The following BCKDHB variants were observed in gnomAD, a reference collection of about 807,000 sequenced individuals.
BCKDHB encodes 2-oxoisovalerate dehydrogenase subunit beta, mitochondrial.
BCKDHB carries 41 observed loss-of-function variants against 48.5 expected under a neutral mutation model. That is an observed-to-expected ratio of 0.85 (90% CI 0.66 to 1.10). The LOEUF (loss-of-function observed/expected upper bound fraction) is 1.10, where lower values mean the gene tolerates loss of function less well. Among genes scored for constraint, BCKDHB ranks in the 50% least tolerant of loss-of-function variants. The pLI, the probability that BCKDHB is intolerant of heterozygous loss-of-function variation, is 0.00. For missense variants in BCKDHB, 496 were observed against 494.2 expected (o/e 1.00, Z -0.03); for synonymous variants, 201 against 174.8 (o/e 1.15, Z -1.18).
chr6:80,239,985 A>G (rs1470991041), intron 8 of BCKDHB, among the ~76,000 whole-genome samples: 1 of 152,190 alleles, frequency 6.6e-6, no homozygotes, highest in East Asian at 1.9e-4. Context: ...TACCAGTACC[A>G]TGCTGTTTTG....
the BCKDHB span, among the ~76,000 whole-genome samples, chr6:80,416,343 G>GT: frequency 6.6e-5 from 10 of 150,954 alleles, no homozygotes; most frequent in South Asian, 4.2e-4. Flanking sequence ...TTTGCTCTTG[G>GT]TTTTTTAGTT....
At chr6:80,433,081 G>A in the BCKDHB span, among the ~76,000 whole-genome samples, 1 of 152,138 alleles carries the variant, frequency 6.6e-6, no homozygotes, top group Admixed American at 6.5e-5. Flanking sequence ...GAGCTCTCCT[G>A]TATGAGGTGT....
the BCKDHB span, among the ~76,000 whole-genome samples, chr6:80,445,042 CTG>C: frequency 6.6e-6 from 1 of 152,144 alleles, no homozygotes; most frequent in East Asian, 1.9e-4. Flanking sequence ...GTCTTCTAAA[CTG>C]TAAGGTACAT....
At chr6:80,185,724 G>C (rs1199556083) in intron 6 of BCKDHB, among the ~76,000 whole-genome samples, 1 of 152,176 alleles carries the variant, frequency 6.6e-6, no homozygotes, top group Non-Finnish European at 1.5e-5. Flanking sequence ...GGGCTGCTGG[G>C]CTCTGGGCTG....
At chr6:80,379,799 T>C in the BCKDHB span, among the ~76,000 whole-genome samples, 3 of 151,916 alleles carry the variant, frequency 2.0e-5, no homozygotes, top group Non-Finnish European at 4.4e-5. Context: ...TATACACCAA[T>C]AATGTTCAAA....
the BCKDHB span, among the ~76,000 whole-genome samples, chr6:80,357,898 TTTC>T: frequency 2.0e-5 from 3 of 152,210 alleles, no homozygotes; most frequent in Non-Finnish European, 4.4e-5. Flanking sequence ...TCCATGCTTT[TTTC>T]TTCTTGCACT....
At chr6:80,346,837 T>C (rs1342154726), downstream of BCKDHB, among the ~76,000 whole-genome samples, 1 of 152,050 alleles carries the variant, frequency 6.6e-6, no homozygotes. Context: ...CCTTTCTAAA[T>C]AACGAATCCT....
At chr6:80,454,335 G>A in the BCKDHB span, 3 of 152,252 alleles carry the variant, frequency 2.0e-5, no homozygotes, top group African/African-American at 7.2e-5. Context: ...TTCCACAAAG[G>A]GTGTTTCTGG....
chr6:80,349,905 A>G (rs1375950387), downstream of BCKDHB, among the ~76,000 whole-genome samples: 1 of 152,180 alleles, frequency 6.6e-6, no homozygotes, highest in Non-Finnish European at 1.5e-5. Context: ...TTGGTTATAT[A>G]CATAGTAGAA....
chr6:80,393,309 C>T, the BCKDHB span, among the ~76,000 whole-genome samples: 1 of 152,068 alleles, frequency 6.6e-6, no homozygotes, highest in South Asian at 2.1e-4. Context: ...TGTGTCCCTC[C>T]AAAATTCATA....
the BCKDHB span, among the ~76,000 whole-genome samples, chr6:80,417,021 TG>T: frequency 1.3e-3 from 192 of 152,288 alleles, 2 homozygotes; most frequent in African/African-American, 4.4e-3. Context: ...ACTTGCTTTA[TG>T]AATCTGGGTG....
chr6:80,146,077 A>G (rs1329921679), intron 3 of BCKDHB, among the ~76,000 whole-genome samples: 1 of 152,158 alleles, frequency 6.6e-6, no homozygotes, highest in Non-Finnish European at 1.5e-5. Flanking sequence ...ATATGCTGCA[A>G]TACTGACATG....
the BCKDHB span, among the ~76,000 whole-genome samples, chr6:80,422,011 A>G: frequency 1.3e-5 from 2 of 152,178 alleles, no homozygotes; most frequent in Non-Finnish European, 1.5e-5. Context: ...AGATCATGAG[A>G]AAAATGTCTC....
chr6:80,380,216 G>C, the BCKDHB span, among the ~76,000 whole-genome samples: 1 of 151,860 alleles, frequency 6.6e-6, no homozygotes, highest in Non-Finnish European at 1.5e-5. Flanking sequence ...TAAAAACTGC[G>C]TGGTACTGGC....
the BCKDHB span, among the ~76,000 whole-genome samples, chr6:80,383,688 T>C: frequency 6.6e-6 from 1 of 152,230 alleles, no homozygotes; most frequent in African/African-American, 2.4e-5. Flanking sequence ...TTTTAATCAG[T>C]AGTACATTCA....
chr6:80,132,620 C>T (rs1201834045), intron 3 of BCKDHB, among the ~76,000 whole-genome samples: 1 of 152,178 alleles, frequency 6.6e-6, no homozygotes, highest in Admixed American at 6.6e-5. Context: ...CCTGTCATGG[C>T]AGGAGGCTGA....
At position 80,292,070 on chromosome 6, in the gene BCKDHB, G is replaced by A. The variant is rs142540526; in HGVS notation, c.1038+18849G>A. On this transcript the variant is annotated intron_variant, in intron 9 of 9. Coordinates refer to ENST00000320393, the MANE Select transcript of BCKDHB (RefSeq NM_183050.4). ...CTTTTATGGTCTGAAGATAACTTGG[G>A]GCTCCTGGGCCTGTCATACAGTGAC... 2.2e-4 allele frequency among the ~76,000 whole-genome samples: 33 copies of A among 152,134 alleles called. No homozygotes were observed. In the East Asian group the frequency reaches 6.4e-3, roughly 30 times the overall value.
the BCKDHB span, chr6:80,441,035 G>A: frequency 6.6e-6 from 1 of 151,974 alleles, no homozygotes; most frequent in East Asian, 1.9e-4. Flanking sequence ...GAGCTCAAAA[G>A]GTCTATTTCT....
chr6:80,230,163 C>T lies in BCKDHB; in HGVS notation c.951+26951C>T, dbSNP rs540447527. On this transcript the variant is annotated intron_variant, in intron 8 of 9. Transcript: ENST00000320393. ...ATGCCATTCTCCTGCCTCAGCCTCC[C>T]GAGTAGCTGGGATTACAGGCGCCCA... Among the ~76,000 whole-genome samples the T allele has an allele frequency of 8.8e-5, 13 of 148,180 alleles. No homozygotes were observed. In the South Asian group the frequency reaches 1.3e-3, roughly 15 times the overall value.
Sources: allele counts gnomAD v4.1 joint callset (sites outside exome capture counted in the v4.1 genomes callset), GRCh38; gene constraint gnomAD v4.1.1; transcripts MANE v1.5; gene names NCBI Gene and HGNC (gene_info 2026-07-23, HGNC 2026-07-21).